PPP6R3: variants seen among roughly 807,000 people sequenced by gnomAD.
PPP6R3 encodes the protein serine/threonine-protein phosphatase 6 regulatory subunit 3.
In PPP6R3, 38 loss-of-function variants were observed where a neutral mutation model predicts 110.7. The observed-to-expected ratio is 0.34, with a 90% CI of 0.26 to 0.45. The LOEUF is 0.45. PPP6R3 is among the 20% of genes least tolerant of loss of function. PPP6R3 has a pLI of 1.00. For synonymous variants in PPP6R3, 369 were observed against 373.5 expected, an observed-to-expected ratio of 0.99 and a Z score of 0.14; for missense variants, 870 against 1,062.4, an observed-to-expected ratio of 0.82 and a Z score of 2.52.
intron 7 of PPP6R3, 96 bp from the exon 8 acceptor site, chr11:68,558,470 T>A (rs1452448336): frequency 1.4e-6 from 1 of 723,412 alleles, no homozygotes; most frequent in Non-Finnish European, 2.4e-6. Flanking sequence ...AAGTATGAAC[T>A]CTTCAGTGAT....
intron 15 of PPP6R3, among the ~76,000 whole-genome samples, chr11:68,586,106 TA>T (rs1452837303): frequency 2.0e-5 from 3 of 151,906 alleles, no homozygotes; most frequent in East Asian, 1.9e-4. Flanking sequence ...CCCTGTCTCT[TA>T]AAAAAAATTT....
chr11:68,593,044 T>G (rs779500460), intron 18 of PPP6R3, among the ~76,000 whole-genome samples: 1 of 152,210 alleles, frequency 6.6e-6, no homozygotes, highest in Non-Finnish European at 1.5e-5. Flanking sequence ...GAGGCATACT[T>G]GACGTAAACT....
chr11:68,530,697 C>A (rs1344087857), intron 2 of PPP6R3, among the ~76,000 whole-genome samples: 2 of 152,156 alleles, frequency 1.3e-5, no homozygotes, highest in Non-Finnish European at 2.9e-5. Context: ...TTAATGCTCT[C>A]CTGTTTGGGT....
intron 1 of PPP6R3, among the ~76,000 whole-genome samples, chr11:68,486,787 A>T (rs533671531): frequency 1.3e-5 from 2 of 151,954 alleles, no homozygotes; most frequent in African/African-American, 4.8e-5. Context: ...GGCCCTTAAG[A>T]TTATCTCTTT....
intron 3 of PPP6R3, among the ~76,000 whole-genome samples, chr11:68,540,493 G>A (rs1461189740): frequency 1.3e-5 from 2 of 152,160 alleles, no homozygotes; most frequent in Non-Finnish European, 2.9e-5. Context: ...CAGGACCGGG[G>A]CAAAATTAAA....
intron 1 of PPP6R3, among the ~76,000 whole-genome samples, chr11:68,503,193 C>G (rs2099057225): frequency 6.6e-6 from 1 of 152,186 alleles, no homozygotes; most frequent in African/African-American, 2.4e-5. Flanking sequence ...CCGCCTGCCT[C>G]AGCCTCCCAA....
At chr11:68,596,820 G>A (rs1016150541) in intron 19 of PPP6R3, among the ~76,000 whole-genome samples, 1 of 152,170 alleles carries the variant, frequency 6.6e-6, no homozygotes, top group Non-Finnish European at 1.5e-5. Flanking sequence ...GGCTGATAGC[G>A]AGGCTTGCCC....
At chr11:68,528,445 C>G (rs1473078845) in intron 2 of PPP6R3, among the ~76,000 whole-genome samples, 6 of 123,662 alleles carry the variant, frequency 4.9e-5, no homozygotes, top group Non-Finnish European at 8.6e-5. Context: ...GGGGGGGGGG[C>G]TGCACCTTTA....
chr11:68,492,055 T>A (rs1482806224), intron 1 of PPP6R3, among the ~76,000 whole-genome samples: 1 of 152,238 alleles, frequency 6.6e-6, no homozygotes, highest in Non-Finnish European at 1.5e-5. Context: ...TCTAAGTACC[T>A]TGTGTAAATT....
In PPP6R3 at chr11:68,501,672, A is replaced by G. The variant is rs562935134; in HGVS notation, c.-157-17829A>G. On this transcript the variant is annotated intron_variant, in intron 1 of 23. Transcript: ENST00000393800. ...GCGTGTGTATCCAGAGTTTAAACTGAAAGAGTTGTTTTCTTAATTCCAACT... is the reference window on the plus strand; with the variant it reads ...GCGTGTGTATCCAGAGTTTAAACTGGAAGAGTTGTTTTCTTAATTCCAACT... Among the ~76,000 whole-genome samples, 16 of 152,336 alleles carry G rather than the reference A, an allele frequency of 1.1e-4. No homozygotes were observed. In the South Asian group the frequency reaches 1.2e-3, roughly 12 times the overall value.
At chr11:68,609,861 G>C in intron 22 of PPP6R3, 43 bp from the exon 23 acceptor site, 1 of 1,611,746 alleles carries the variant, frequency 6.2e-7, no homozygotes, top group Non-Finnish European at 8.5e-7. Context: ...CTAGGTGCTG[G>C]TCCCTAGGGT....
intron 7 of PPP6R3, among the ~76,000 whole-genome samples, chr11:68,555,177 A>G (rs2099394565): frequency 6.6e-6 from 1 of 152,214 alleles, no homozygotes; most frequent in Admixed American, 6.5e-5. Flanking sequence ...ACTACAAAAG[A>G]TTGCCGGCTT....
intron 1 of PPP6R3, among the ~76,000 whole-genome samples, chr11:68,491,544 G>A (rs1469848528): frequency 1.3e-5 from 2 of 151,964 alleles, no homozygotes; most frequent in Non-Finnish European, 2.9e-5. Flanking sequence ...AGAGATGGGT[G>A]TTGCTGTGTT....
At chr11:68,491,499 G>C (rs1457261472) in intron 1 of PPP6R3, among the ~76,000 whole-genome samples, 1 of 151,920 alleles carries the variant, frequency 6.6e-6, no homozygotes, top group African/African-American at 2.4e-5. Context: ...AGACACCACT[G>C]TGCCCAGCTA....
At chr11:68,466,663 A>T (rs576663822) in intron 1 of PPP6R3, among the ~76,000 whole-genome samples, 12 of 150,808 alleles carry the variant, frequency 8.0e-5, no homozygotes, top group Admixed American at 6.6e-4. Context: ...CCCGGGCTGG[A>T]GTGCAGTGGC....
intron 22 of PPP6R3, among the ~76,000 whole-genome samples, chr11:68,607,773 TC>T (rs1018026608): frequency 6.6e-6 from 1 of 152,070 alleles, no homozygotes; most frequent in African/African-American, 2.4e-5. Flanking sequence ...CTATATCTAA[TC>T]TAGATTTTTT....
chr11:68,545,316 T>G (rs575006438), intron 4 of PPP6R3, among the ~76,000 whole-genome samples: 2 of 152,382 alleles, frequency 1.3e-5, no homozygotes, highest in Admixed American at 1.3e-4. Flanking sequence ...AAGACAGGGC[T>G]TAACTAAGAT....
rs762832337 is a variant in PPP6R3, at chr11:68,558,561, C to T, written c.732-5C>T. 1.3e-6 allele frequency: 2 copies of T among 1,596,404 alleles called. No individual in the cohort carries two copies. The highest frequency in any genetic ancestry group is 8.6e-7 in the Non-Finnish European group (1 of 1,166,394). ...CAGTTAGTGATTATTGATTTGTTTC[C>T]CTAGGCAAGAAATTATAGAGCAGCT... On this transcript the variant is annotated splice_region_variant and splice_polypyrimidine_tract_variant and intron_variant, in intron 7 of 23. Transcript: ENST00000393800.
At chr11:68,467,678 C>T (rs929510744) in intron 1 of PPP6R3, among the ~76,000 whole-genome samples, 2 of 152,200 alleles carry the variant, frequency 1.3e-5, no homozygotes, top group Admixed American at 1.3e-4. Context: ...ATGGGCGTAG[C>T]GGGAGGAACA....
Sources: gnomAD v4.1 joint callset for allele counts (sites outside exome capture counted in the v4.1 genomes callset) on GRCh38, gnomAD v4.1.1 for gene constraint, MANE v1.5 for transcripts, NCBI Gene and HGNC (gene_info 2026-07-23, HGNC 2026-07-21) for gene names.